Variants in NALCN observed in about 807,000 individuals in gnomAD.
NALCN encodes the protein sodium leak channel NALCN.
A neutral mutation model predicts 225.3 loss-of-function variants in NALCN; 111 were observed. That is an observed-to-expected ratio of 0.49 (90% confidence interval 0.42 to 0.58). NALCN has a LOEUF of 0.58. Ranked by LOEUF, NALCN falls within the 20% of genes least tolerant of loss-of-function variation. The pLI, the probability that NALCN is intolerant of heterozygous loss-of-function variation, is 0.00. For synonymous variants in NALCN, 764 were observed against 769.0 expected, an observed-to-expected ratio of 0.99 and a Z score of 0.11; for missense variants, 1,378 against 2,202.4, an observed-to-expected ratio of 0.63 and a Z score of 7.49.
intron 7 of NALCN, among the ~76,000 whole-genome samples, chr13:101,323,937 C>T (rs1328803874): frequency 6.6e-6 from 1 of 152,108 alleles, no homozygotes; most frequent in Non-Finnish European, 1.5e-5. Flanking sequence ...ACAGGAGTCA[C>T]TGAGATAGGT....
intron 13 of NALCN, among the ~76,000 whole-genome samples, chr13:101,218,466 C>T (rs955254049): frequency 1.3e-5 from 2 of 152,110 alleles, no homozygotes; most frequent in Non-Finnish European, 2.9e-5. Flanking sequence ...TTTGACATTC[C>T]TTGGCTTGTA....
Position 101,407,462 on chromosome 13 carries a change from G to T in NALCN, c.-39-8297C>A, listed in dbSNP as rs189194074. On this transcript the variant is annotated intron_variant, in intron 1 of 43. Coordinates refer to ENST00000251127, the MANE Select transcript of NALCN (RefSeq NM_052867.4). ...TTTTATGCATTTGATCATTTCTCAG[G>T]GTAGAATGAAAGTCCATAAACTACT... is the stretch of plus-strand genomic sequence containing the variant. Among the ~76,000 whole-genome samples the T allele has an allele frequency of 2.9e-3, 444 of 152,142 alleles. 6 individuals carry two copies. Among genetic ancestry groups the T allele is most frequent in the African/African-American group, 0.01 (417 of 41,500 alleles).
At chr13:101,338,351 C>T (rs2045449320) in intron 7 of NALCN, among the ~76,000 whole-genome samples, 1 of 152,024 alleles carries the variant, frequency 6.6e-6, no homozygotes, top group Non-Finnish European at 1.5e-5. Context: ...TGAAAATGGG[C>T]TTTTGTCATT....
Position 101,165,517 on chromosome 13 carries a change from C to A in NALCN, c.1839+10783G>T, listed in dbSNP as rs538033143. Among the ~76,000 whole-genome samples the A allele has an allele frequency of 2.0e-5, 3 of 152,274 alleles. No individual in the cohort carries two copies. The East Asian group carries it at 5.8e-4, about 29-fold the overall frequency. ...GACAGGGTCTCACTCTTGCCCAGGC[C>A]GAAATGTAATGGCATGATCACAGCT... On this transcript the variant is annotated intron_variant, in intron 15 of 43. Transcript: ENST00000251127.
At chr13:101,332,663 T>C (rs1190132540) in intron 7 of NALCN, among the ~76,000 whole-genome samples, 1 of 152,210 alleles carries the variant, frequency 6.6e-6, no homozygotes, top group Non-Finnish European at 1.5e-5. Flanking sequence ...CTGTAGATCT[T>C]ATTTAACAAA....
chr13:101,130,448 C>T (rs1313216453), intron 17 of NALCN, among the ~76,000 whole-genome samples: 4 of 152,252 alleles, frequency 2.6e-5, no homozygotes, highest in African/African-American at 7.2e-5. Flanking sequence ...AATTTTTATG[C>T]CAAATGGTTT....
chr13:101,160,166 G>T (rs934955380), intron 15 of NALCN, among the ~76,000 whole-genome samples: 1 of 152,128 alleles, frequency 6.6e-6, no homozygotes, highest in South Asian at 2.1e-4. Flanking sequence ...ATGTTAGCCA[G>T]GATGGTCTCG....
At chr13:101,070,115 G>A (rs1029820289) in intron 37 of NALCN, among the ~76,000 whole-genome samples, 3 of 120,734 alleles carry the variant, frequency 2.5e-5, no homozygotes, top group African/African-American at 9.6e-5. Context: ...CGCCCAGGCT[G>A]GAGTGCAGTG....
intron 17 of NALCN, among the ~76,000 whole-genome samples, chr13:101,140,066 A>T (rs1213915742): frequency 1.3e-5 from 2 of 152,190 alleles, no homozygotes; most frequent in Non-Finnish European, 2.9e-5. Context: ...GACAACCTAG[A>T]TCGAATCAAA....
Position 101,054,992 on chromosome 13 carries a change from A to C in NALCN, c.*303T>G, listed in dbSNP as rs760959158. 4.7e-5 allele frequency: 16 copies of C among 338,092 alleles called. No individual in the cohort carries two copies. Among genetic ancestry groups the C allele is most frequent in the Non-Finnish European group, 7.0e-5 (13 of 184,970 alleles). The allele number at this position is 338,092 out of a possible 1,614,324, so 20.9% of individuals were successfully genotyped here. A position where few individuals can be genotyped will look rare whatever the true frequency, so the allele number is the denominator to read the frequency against. Reference sequence around the variant, plus strand: ...ATACTGCATTAGAGCACATATGAATATATACCTTAGTTTACGCAGACAGAA... The same window carrying C: ...ATACTGCATTAGAGCACATATGAATCTATACCTTAGTTTACGCAGACAGAA... On this transcript the variant is annotated 3_prime_UTR_variant, in exon 44 of 44. Transcript: ENST00000251127.
intron 7 of NALCN, among the ~76,000 whole-genome samples, chr13:101,332,901 T>C (rs1248591379): frequency 6.6e-6 from 1 of 152,224 alleles, no homozygotes; most frequent in African/African-American, 2.4e-5. Context: ...CAGGGATGCC[T>C]GCATCCAGCA....
intron 34 of NALCN, 46 bp from the exon 35 acceptor site, chr13:101,075,987 T>A (rs1256150323): frequency 1.3e-6 from 2 of 1,545,008 alleles, no homozygotes; most frequent in African/African-American, 2.8e-5. Flanking sequence ...GCACAAAAGA[T>A]CTTGTTACAG....
At chr13:101,288,332 G>C (rs1443046876) in intron 9 of NALCN, among the ~76,000 whole-genome samples, 2 of 152,198 alleles carry the variant, frequency 1.3e-5, no homozygotes, top group Admixed American at 6.5e-5. Context: ...TTGGAACACA[G>C]TAAACACATT....
chr13:101,084,632 G>C (rs772392897), intron 30 of NALCN, among the ~76,000 whole-genome samples: 1 of 152,064 alleles, frequency 6.6e-6, no homozygotes, highest in African/African-American at 2.4e-5. Flanking sequence ...TATCTGCATT[G>C]AACAGTATAC....
intron 10 of NALCN, among the ~76,000 whole-genome samples, chr13:101,270,495 C>T (rs1489364196): frequency 2.0e-5 from 3 of 152,184 alleles, no homozygotes; most frequent in Non-Finnish European, 4.4e-5. Flanking sequence ...CTTTCTAATA[C>T]ACTGCATTTC....
intron 28 of NALCN, among the ~76,000 whole-genome samples, chr13:101,090,237 G>T (rs1043667888): frequency 6.6e-6 from 1 of 152,098 alleles, no homozygotes; most frequent in African/African-American, 2.4e-5. Context: ...GGTAATGATG[G>T]GGTGATCTCA....
At chr13:101,115,851 A>C (rs971661793) in intron 18 of NALCN, among the ~76,000 whole-genome samples, 1 of 152,164 alleles carries the variant, frequency 6.6e-6, no homozygotes, top group Non-Finnish European at 1.5e-5. Flanking sequence ...AATGGCAAGT[A>C]CTAGAAGGCC....
chr13:101,400,577 GTGTGCA>G (rs927546135), intron 1 of NALCN, among the ~76,000 whole-genome samples: 2 of 121,068 alleles, frequency 1.7e-5, no homozygotes, highest in African/African-American at 9.2e-5. Context: ...GTGTGTGTGT[GTGTGCA>G]CGTGTGTGCG....
intron 17 of NALCN, among the ~76,000 whole-genome samples, chr13:101,140,054 C>G (rs1020964216): frequency 6.6e-6 from 1 of 152,162 alleles, no homozygotes; most frequent in African/African-American, 2.4e-5. Flanking sequence ...GTCTACTTTT[C>G]TGACAACCTA....
Sources: allele counts gnomAD v4.1 joint callset (sites outside exome capture counted in the v4.1 genomes callset), GRCh38; gene constraint gnomAD v4.1.1; transcripts MANE v1.5; gene names NCBI Gene and HGNC (gene_info 2026-07-23, HGNC 2026-07-21).